CACNA2D1: variants seen among roughly 807,000 people sequenced by gnomAD.
CACNA2D1 encodes the protein calcium voltage-gated channel auxiliary subunit alpha2delta 1.
Under a neutral mutation model 171.5 loss-of-function variants are expected in CACNA2D1, and 53 were observed. That is an observed-to-expected ratio of 0.31 (90% CI 0.25 to 0.39). The LOEUF (loss-of-function observed/expected upper bound fraction) is 0.39. CACNA2D1 is among the 10% of genes least tolerant of loss of function. The pLI is 1.00. For missense variants in CACNA2D1, 903 were observed against 1,299.8 expected, an observed-to-expected ratio of 0.69 and a Z score of 4.69; for synonymous variants, 442 against 443.1, an observed-to-expected ratio of 1.00 and a Z score of 0.03.
At chr7:82,228,594 C>T (rs1802592834) in intron 3 of CACNA2D1, among the ~76,000 whole-genome samples, 1 of 152,044 alleles carries the variant, frequency 6.6e-6, no homozygotes. Context: ...GATTGTATGA[C>T]TTCATGAAGT....
intron 19 of CACNA2D1, 118 bp downstream of exon 19, chr7:81,997,061 T>C: frequency 2.7e-6 from 2 of 752,570 alleles, no homozygotes; most frequent in Middle Eastern, 2.3e-4. Context: ...TTCATCTTTG[T>C]GTATACAGTA....
intron 2 of CACNA2D1, among the ~76,000 whole-genome samples, chr7:82,338,716 G>A (rs2299173): frequency 0.13 from 19,774 of 152,134 alleles, 1,910 homozygotes; most frequent in African/African-American, 0.27. Context: ...CCGAAGGTGA[G>A]TGGTAATGTG....
rs752494635 is a variant in CACNA2D1, at chr7:82,032,758, A to G, written c.1143+39T>C. On this transcript the variant is annotated intron_variant, in intron 12 of 38. Coordinates refer to ENST00000356860, the MANE Select transcript of CACNA2D1 (RefSeq NM_000722.4). ...CACTATCTCTTTAAAAACCACCTAGATCATTATTAAAATTTAAATATTATA... is the reference window on the plus strand; with the variant it reads ...CACTATCTCTTTAAAAACCACCTAGGTCATTATTAAAATTTAAATATTATA... 6.9e-6 allele frequency: 8 copies of G among 1,156,860 alleles called. No homozygotes were observed. In the East Asian group the frequency reaches 2.1e-4, roughly 30 times the overall value. The allele number at this position is 1,156,860 out of a possible 1,614,324, so 71.7% of individuals were successfully genotyped here.
intron 12 of CACNA2D1, chr7:82,029,079 C>T (rs1440921590): frequency 5.9e-5 from 9 of 151,656 alleles, no homozygotes; most frequent in Admixed American, 2.6e-4. Context: ...GTCAATGCAG[C>T]CAGCTTCATT....
At chr7:82,161,387 G>A (rs746281281) in intron 4 of CACNA2D1, among the ~76,000 whole-genome samples, 3 of 152,006 alleles carry the variant, frequency 2.0e-5, no homozygotes, top group South Asian at 2.1e-4. Flanking sequence ...GGATACCAAA[G>A]AATAGTGGAG....
At chr7:82,061,721 G>A (rs1806943046) in intron 9 of CACNA2D1, among the ~76,000 whole-genome samples, 1 of 152,166 alleles carries the variant, frequency 6.6e-6, no homozygotes, top group African/African-American at 2.4e-5. Context: ...CAAAGGCTCG[G>A]AGGGAGATTA....
intron 3 of CACNA2D1, among the ~76,000 whole-genome samples, chr7:82,318,953 A>G (rs895810737): frequency 6.6e-6 from 1 of 152,202 alleles, no homozygotes; most frequent in African/African-American, 2.4e-5. Flanking sequence ...TGTGTAAAAC[A>G]CTAGGCAGAG....
intron 1 of CACNA2D1, among the ~76,000 whole-genome samples, chr7:82,394,790 G>C (rs753867887): frequency 2.0e-5 from 3 of 152,150 alleles, no homozygotes; most frequent in Non-Finnish European, 2.9e-5. Flanking sequence ...AGAAGAAACA[G>C]AGGTTCAAGG....
chr7:81,979,218 T>C (rs1796190813), intron 24 of CACNA2D1, among the ~76,000 whole-genome samples: 1 of 152,066 alleles, frequency 6.6e-6, no homozygotes, highest in African/African-American at 2.4e-5. Context: ...TTACAGATTT[T>C]CTCTTTATGA....
At chr7:82,217,394 CATATATATAT>C (rs6150191) in intron 3 of CACNA2D1, among the ~76,000 whole-genome samples, 23,125 of 102,432 alleles carry the variant, frequency 0.23, 3,291 homozygotes, top group Middle Eastern at 0.28. Flanking sequence ...CACACACATA[CATATATATAT>C]ATATATATAT....
rs1554352359 is a variant in CACNA2D1 at position 82,013,499 on chromosome 7, C to A, written c.1234G>T (p.Glu412Ter). 1 of 1,066,068 alleles carries A rather than the reference C, an allele frequency of 9.4e-7. No individual in the cohort carries two copies. Among genetic ancestry groups the A allele is most frequent in the Non-Finnish European group, 1.3e-6 (1 of 763,712 alleles). The allele number at this position is 1,066,068 out of a possible 1,614,324, so 66.0% of individuals were successfully genotyped here. The change falls in exon 14 of 39, where the codon GAA becomes TAA. Residue 412 changes from glutamate to a stop codon, truncating the protein, a stop_gained. Coordinates refer to ENST00000356860, the MANE Select transcript of CACNA2D1 (RefSeq NM_000722.4). LOFTEE classifies it high-confidence loss of function. ...CTTATTGCACCAATGGAAGGAATTT[C>A]ATAATAATAACCTGAAATATACATA... ...MACENKGYYY[E>*]IPSIGAIRIN...
intron 3 of CACNA2D1, among the ~76,000 whole-genome samples, chr7:82,291,151 T>G (rs1450583390): frequency 4.6e-5 from 6 of 130,734 alleles, no homozygotes; most frequent in Admixed American, 2.3e-4. Flanking sequence ...CTTGTACATA[T>G]AATTCTATAT....
intron 1 of CACNA2D1, among the ~76,000 whole-genome samples, chr7:82,386,578 C>T (rs1288249769): frequency 6.6e-6 from 1 of 151,822 alleles, no homozygotes; most frequent in Non-Finnish European, 1.5e-5. Context: ...ACTAAAAATA[C>T]AAAAATTAGC....
At chr7:82,379,067 GTC>G (rs1823373823) in intron 1 of CACNA2D1, among the ~76,000 whole-genome samples, 2 of 151,864 alleles carry the variant, frequency 1.3e-5, no homozygotes, top group Admixed American at 1.3e-4. Flanking sequence ...AATTATATCT[GTC>G]TCTGTTAAAT....
intron 3 of CACNA2D1, among the ~76,000 whole-genome samples, chr7:82,283,650 A>C (rs937318085): frequency 1.3e-5 from 2 of 149,682 alleles, no homozygotes; most frequent in Admixed American, 1.4e-4. Context: ...ATATACTAAC[A>C]ATCACCATAA....
In CACNA2D1 at chr7:82,363,254, C is replaced by CTTTTTTTTTTTTTTTTTTTTTT. The variant is rs35419275; in HGVS notation, c.96-13627_96-13606dup. Among the ~76,000 whole-genome samples the CTTTTTTTTTTTTTTTTTTTTTT allele has an allele frequency of 6.3e-5, 4 of 63,432 alleles. 1 individual carries two copies. Among genetic ancestry groups the CTTTTTTTTTTTTTTTTTTTTTT allele is most frequent in the African/African-American group, 3.3e-4 (4 of 11,946 alleles). 41.6% of individuals were successfully genotyped at this position (63,432 alleles called of 152,430 possible). On this transcript the variant is annotated intron_variant, in intron 1 of 38. Transcript: ENST00000356860. ...CTACCATAGTTTTATTTATTTGTCT[C>CTTTTTTTTTTTTTTTTTTTTTT]TTTTTTTTTTTTTTTTTTTTTTTTT...
chr7:82,341,937 C>G (rs951950268), intron 2 of CACNA2D1, among the ~76,000 whole-genome samples: 1 of 151,552 alleles, frequency 6.6e-6, no homozygotes, highest in Non-Finnish European at 1.5e-5. Flanking sequence ...ACCTGTAGTC[C>G]CAGCTATCTG....
intron 4 of CACNA2D1, among the ~76,000 whole-genome samples, chr7:82,163,800 T>C (rs1355319167): frequency 6.6e-6 from 1 of 151,928 alleles, no homozygotes; most frequent in Non-Finnish European, 1.5e-5. Flanking sequence ...TAGGCAAATA[T>C]CCATCAAGAG....
At chr7:82,443,260 C>G (rs1830646973) in intron 1 of CACNA2D1, 105 bp downstream of exon 1, 1 of 1,176,348 alleles carries the variant, frequency 8.5e-7, no homozygotes, top group Admixed American at 2.3e-5. Flanking sequence ...CCGCTCGCTC[C>G]CCACCCCCAC....
Sources: allele counts gnomAD v4.1 joint callset (sites outside exome capture counted in the v4.1 genomes callset), GRCh38; gene constraint gnomAD v4.1.1; transcripts MANE v1.5; gene names NCBI Gene and HGNC (gene_info 2026-07-23, HGNC 2026-07-21).